NEBL: variants seen among roughly 807,000 people sequenced by gnomAD.
The protein encoded by NEBL is LIM and SH3 protein 2.
In NEBL, 122 loss-of-function variants were observed where a neutral mutation model predicts 140.2. The ratio of observed to expected loss-of-function variants is 0.87; its 90% confidence interval spans 0.75 to 1.01. The LOEUF is 1.01. Among genes scored for constraint, NEBL ranks in the 50% least tolerant of loss-of-function variants. The pLI is 0.00. For synonymous variants in NEBL, 436 were observed against 398.9 expected (o/e 1.09, Z -1.11); for missense variants, 1,365 against 1,231.3 (o/e 1.11, Z -1.62).
rs548468223 is a variant in NEBL at position 20,840,580 on chromosome 10, A to T, written c.1338+159T>A. 1.2e-4 allele frequency among the ~76,000 whole-genome samples: 19 copies of T among 152,194 alleles called. No individual in the cohort carries two copies. The South Asian group carries it at 1.9e-3, about 15-fold the overall frequency. ...TCACATCACATAGAAAGGGGATTTT[A>T]AAAAAAATTAATAGTCCAAGAAAAG... is the stretch of plus-strand genomic sequence containing the variant. On this transcript the variant is annotated intron_variant, in intron 13 of 27. Coordinates refer to ENST00000377122, the MANE Select transcript of NEBL (RefSeq NM_006393.3).
chr10:21,038,482 T>C (rs1834110939), intron 2 of NEBL, among the ~76,000 whole-genome samples: 1 of 103,138 alleles, frequency 9.7e-6, no homozygotes, highest in Admixed American at 9.9e-5. Context: ...TTGTCCTGTG[T>C]TAGTTTGCTA....
chr10:21,027,543 G>A (rs960262523), intron 2 of NEBL, among the ~76,000 whole-genome samples: 2 of 151,976 alleles, frequency 1.3e-5, no homozygotes, highest in Non-Finnish European at 2.9e-5. Flanking sequence ...TGCCCAGGCT[G>A]GATCTCGAAC....
chr10:20,786,546 A>G (rs2131616308), intron 27 of NEBL, among the ~76,000 whole-genome samples: 1 of 152,326 alleles, frequency 6.6e-6, no homozygotes, highest in Admixed American at 6.5e-5. Flanking sequence ...TAACATTAAC[A>G]TCAGACAATC....
intron 7 of NEBL, among the ~76,000 whole-genome samples, chr10:20,866,603 A>G (rs1588875381): frequency 1.3e-5 from 2 of 152,072 alleles, no homozygotes; most frequent in African/African-American, 4.8e-5. Flanking sequence ...TGGCAGGCAT[A>G]CTCCCAGCCT....
intron 2 of NEBL, among the ~76,000 whole-genome samples, chr10:21,096,736 T>C (rs138502854): frequency 3.9e-5 from 6 of 152,250 alleles, no homozygotes; most frequent in Admixed American, 2.0e-4. Flanking sequence ...GCTAGTCTCA[T>C]ACTCCTGGTC....
intron 3 of NEBL, among the ~76,000 whole-genome samples, chr10:21,019,232 T>C (rs916641153): frequency 6.6e-6 from 1 of 152,378 alleles, no homozygotes; most frequent in Non-Finnish European, 1.5e-5. Context: ...AACTACCTCA[T>C]TTAATACTTA....
intron 1 of NEBL, among the ~76,000 whole-genome samples, chr10:21,281,143 G>A (rs916558134): frequency 2.6e-5 from 4 of 152,188 alleles, no homozygotes; most frequent in African/African-American, 9.7e-5. Context: ...CACCAGACCT[G>A]GAGGCCTGAG....
intron 2 of NEBL, among the ~76,000 whole-genome samples, chr10:21,138,691 C>T (rs1020222683): frequency 7.2e-5 from 11 of 152,096 alleles, no homozygotes. Context: ...AAGGTACCCA[C>T]AGGAGGCTCC....
At chr10:21,116,473 C>A (rs1326378420) in intron 2 of NEBL, among the ~76,000 whole-genome samples, 1 of 152,112 alleles carries the variant, frequency 6.6e-6, no homozygotes, top group African/African-American at 2.4e-5. Context: ...AAGTGTCCAT[C>A]TCCAATTATC....
intron 14 of NEBL, among the ~76,000 whole-genome samples, chr10:20,832,286 G>T (rs914577952): frequency 6.6e-6 from 1 of 152,188 alleles, no homozygotes; most frequent in African/African-American, 2.4e-5. Context: ...TATAAGAGCT[G>T]CTGGAAGCCT....
rs565265385 is a variant in NEBL, at chr10:20,780,790, C to T, written c.*4957G>A. ...AACGCAGTTCTATCATAGGAGACCACTTGCAGGGAACACATTAAAGCCATT... is the reference window on the plus strand; with the variant it reads ...AACGCAGTTCTATCATAGGAGACCATTTGCAGGGAACACATTAAAGCCATT... On this transcript the variant is annotated 3_prime_UTR_variant, in exon 28 of 28. Transcript: ENST00000377122. The T allele has an allele frequency of 6.6e-6, 1 of 152,310 alleles. No homozygotes were observed. The highest frequency in any genetic ancestry group is 2.1e-4 in the South Asian group (1 of 4,820). The allele number at this position is 152,310 out of a possible 1,614,324, so 9.4% of individuals were successfully genotyped here.
intron 3 of NEBL, 51 bp downstream of exon 3, chr10:20,889,794 T>G (rs768846039): frequency 2.7e-6 from 3 of 1,100,344 alleles, no homozygotes; most frequent in Non-Finnish European, 4.2e-6. Flanking sequence ...TTCATCTATA[T>G]AATAAGAAAA....
chr10:20,797,113 T>C (rs943023276), intron 26 of NEBL, among the ~76,000 whole-genome samples: 2 of 152,248 alleles, frequency 1.3e-5, no homozygotes, highest in African/African-American at 4.8e-5. Flanking sequence ...AGCTTGTAGA[T>C]GCAAATTATG....
intron 2 of NEBL, among the ~76,000 whole-genome samples, chr10:21,118,068 C>T (rs1190784190): frequency 6.6e-6 from 1 of 152,138 alleles, no homozygotes; most frequent in Non-Finnish European, 1.5e-5. Flanking sequence ...CATGTGCCCA[C>T]TGAGAAGGAT....
At chr10:21,235,239 T>A (rs1564547341) in intron 3 of NEBL, among the ~76,000 whole-genome samples, 1 of 152,048 alleles carries the variant, frequency 6.6e-6, no homozygotes, top group African/African-American at 2.4e-5. Flanking sequence ...GCGGCTGCAG[T>A]GAGCTACGAC....
rs369040992 is a variant in NEBL, at chr10:21,173,949, G to A, written c.-116C>T. 9,014 of 1,385,828 alleles carry A rather than the reference G, an allele frequency of 6.5e-3. 91 individuals carry two copies. The highest frequency in any genetic ancestry group is 0.027 in the African/African-American group (1,769 of 64,990). 85.8% of individuals were successfully genotyped at this position (1,385,828 alleles called of 1,614,324 possible). A position where few individuals can be genotyped will look rare whatever the true frequency, so the allele number is the denominator to read the frequency against. On this transcript the variant is annotated 5_prime_UTR_variant, in exon 1 of 7. Transcript: ENST00000417816. This position sits in a 1 kb window ranked among gnomAD's most constrained non-coding sequence, Gnocchi z 5.7. ...GCAGGCGGGAGGGCTGCGGGCGGCGGGCGCCGGGTAGGGAGTCGGCGCCGG... is the reference window on the plus strand; with the variant it reads ...GCAGGCGGGAGGGCTGCGGGCGGCGAGCGCCGGGTAGGGAGTCGGCGCCGG...
chr10:21,146,456 A>G, intron 2 of NEBL: 1 of 1,613,954 alleles, frequency 6.2e-7, no homozygotes, highest in South Asian at 1.1e-5. Flanking sequence ...ATCTTCAGAA[A>G]TTTCAGGTGC....
chr10:21,054,205 T>A (rs766081772), intron 2 of NEBL, among the ~76,000 whole-genome samples: 15 of 152,194 alleles, frequency 9.9e-5, no homozygotes, highest in Non-Finnish European at 2.1e-4. Context: ...AGTAGAAAGG[T>A]GGTTTGGGGT....
At chr10:20,868,621 A>C in intron 7 of NEBL, 43 bp downstream of exon 7, 1 of 1,308,888 alleles carries the variant, frequency 7.6e-7, no homozygotes, top group Non-Finnish European at 1.1e-6. Context: ...TAGAAACAAA[A>C]TATCTGAATA....
Sources: allele counts gnomAD v4.1 joint callset (sites outside exome capture counted in the v4.1 genomes callset), GRCh38; gene constraint gnomAD v4.1.1; non-coding constraint Gnocchi (gnomAD v3.1); transcripts MANE v1.5; gene names NCBI Gene and HGNC (gene_info 2026-07-23, HGNC 2026-07-21).